ARID3B: variants seen among roughly 807,000 people sequenced by gnomAD.
The protein encoded by ARID3B is AT-rich interactive domain-containing protein 3B.
A neutral mutation model predicts 51.9 loss-of-function variants in ARID3B; 10 were observed. That is an observed-to-expected ratio of 0.19 (90% CI 0.12 to 0.33). The LOEUF is 0.33. Among genes scored for constraint, ARID3B ranks in the 10% least tolerant of loss-of-function variants. The probability of loss-of-function intolerance (pLI) is 1.00; values close to 1 mark genes in which losing one functional copy is unlikely to be tolerated. For synonymous variants in ARID3B, 205 were observed against 279.5 expected, an observed-to-expected ratio of 0.73 and a Z score of 2.66; for missense variants, 483 against 716.3, an observed-to-expected ratio of 0.67 and a Z score of 3.72.
In ARID3B at chr15:74,591,447, C is replaced by T; in HGVS notation, c.1165+13C>T. 1.3e-6 allele frequency: 2 copies of T among 1,598,800 alleles called. No homozygotes were observed. Among genetic ancestry groups the T allele is most frequent in the Non-Finnish European group, 1.7e-6 (2 of 1,168,442 alleles). On this transcript the variant is annotated intron_variant, in intron 6 of 8. Transcript: ENST00000346246. This position sits in a 1 kb window ranked among gnomAD's most constrained non-coding sequence, Gnocchi z 5.8. ...ACTCTCAGGAAAGGTCAGCAGGGCTCCTGGGGGAGAAGGAAGAAAGGGAGG... is the reference window on the plus strand; with the variant it reads ...ACTCTCAGGAAAGGTCAGCAGGGCTTCTGGGGGAGAAGGAAGAAAGGGAGG...
chr15:74,566,834 T>C (rs1195820823), intron 2 of ARID3B, among the ~76,000 whole-genome samples: 1 of 152,186 alleles, frequency 6.6e-6, no homozygotes, highest in East Asian at 1.9e-4. Context: ...CATTAGACAG[T>C]AAGCTCCATG....
chr15:74,545,503 G>C (rs2061612434), intron 2 of ARID3B, among the ~76,000 whole-genome samples: 1 of 152,190 alleles, frequency 6.6e-6, no homozygotes, highest in African/African-American at 2.4e-5. Flanking sequence ...TTTCAACCAA[G>C]CCTCTTCTCT....
chr15:74,575,190 C>T (rs922795167), intron 4 of ARID3B, among the ~76,000 whole-genome samples: 1 of 152,098 alleles, frequency 6.6e-6, no homozygotes, highest in Non-Finnish European at 1.5e-5. Flanking sequence ...CTCAAAGGGG[C>T]TGCCATAGCA....
chr15:74,547,227 C>T (rs1596249075), intron 2 of ARID3B, among the ~76,000 whole-genome samples: 1 of 151,318 alleles, frequency 6.6e-6, no homozygotes, highest in Non-Finnish European at 1.5e-5. Flanking sequence ...GGCGCGATCT[C>T]GGCTTCCTGC....
At chr15:74,565,397 T>G (rs1395722109) in intron 2 of ARID3B, among the ~76,000 whole-genome samples, 2 of 152,176 alleles carry the variant, frequency 1.3e-5, no homozygotes, top group East Asian at 3.8e-4. Context: ...AAGTTGTCAG[T>G]ATGCACAATG....
At chr15:74,564,026 T>C (rs2061688985) in intron 2 of ARID3B, among the ~76,000 whole-genome samples, 1 of 152,210 alleles carries the variant, frequency 6.6e-6, no homozygotes, top group Non-Finnish European at 1.5e-5. Context: ...TTTGAATTGA[T>C]CTCCGCTGCT....
chr15:74,553,615 T>G (rs1443268995), intron 2 of ARID3B, among the ~76,000 whole-genome samples: 1 of 152,228 alleles, frequency 6.6e-6, no homozygotes, highest in Non-Finnish European at 1.5e-5. Flanking sequence ...TACATTGTAG[T>G]TGGGAAACGA....
At chr15:74,555,255 G>A (rs2061653315) in intron 2 of ARID3B, among the ~76,000 whole-genome samples, 1 of 152,120 alleles carries the variant, frequency 6.6e-6, no homozygotes, top group African/African-American at 2.4e-5. Flanking sequence ...TGATCTAGGT[G>A]CTGGGTACTG....
chr15:74,593,190 T>C lies in ARID3B; in HGVS notation c.1473T>C (p.Ile491=). 1 of 1,613,736 alleles carries C rather than the reference T, an allele frequency of 6.2e-7. No homozygotes were observed. Among genetic ancestry groups the C allele is most frequent in the African/African-American group, 1.3e-5 (1 of 75,024 alleles). The part of the protein sequence containing the change: ...AAALNLTTSS[I]GSINMSVDID... Reference sequence around the variant, plus strand: ...CACTGAACCTGACCACGAGTAGCATTGGGAGCATTAACATGTCTGTGGACA... The same window carrying C: ...CACTGAACCTGACCACGAGTAGCATCGGGAGCATTAACATGTCTGTGGACA... The change falls in exon 8 of 9, where the codon ATT becomes ATC. Residue 491 remains isoleucine (I), a synonymous_variant. Coordinates refer to ENST00000346246, the MANE Select transcript of ARID3B (RefSeq NM_006465.4).
intron 2 of ARID3B, among the ~76,000 whole-genome samples, chr15:74,553,577 C>T (rs1005411737): frequency 6.6e-6 from 1 of 152,084 alleles, no homozygotes; most frequent in Non-Finnish European, 1.5e-5. Context: ...GGTTTTATCT[C>T]TTTTCCAGTA....
chr15:74,569,707 A>G (rs970169170), intron 2 of ARID3B, among the ~76,000 whole-genome samples: 2 of 152,206 alleles, frequency 1.3e-5, no homozygotes, highest in African/African-American at 4.8e-5. Context: ...CACAGGTGGT[A>G]GAGCCCAGAG....
intron 2 of ARID3B, among the ~76,000 whole-genome samples, chr15:74,553,368 A>G (rs1258606163): frequency 6.6e-6 from 1 of 152,186 alleles, no homozygotes; most frequent in Non-Finnish European, 1.5e-5. Context: ...CGTTGAACAC[A>G]TTTTTTGAAA....
intron 4 of ARID3B, among the ~76,000 whole-genome samples, chr15:74,588,442 T>C (rs1840944484): frequency 6.6e-6 from 1 of 152,064 alleles, no homozygotes; most frequent in Admixed American, 6.5e-5. Flanking sequence ...CCTGCTCAGG[T>C]TGGTTTAAGG....
At chr15:74,579,193 T>G (rs2061749992) in intron 4 of ARID3B, among the ~76,000 whole-genome samples, 1 of 152,180 alleles carries the variant, frequency 6.6e-6, no homozygotes, top group Non-Finnish European at 1.5e-5. Context: ...GTTAACATGT[T>G]TGGGTGAATT....
intron 1 of ARID3B, among the ~76,000 whole-genome samples, chr15:74,543,482 A>T (rs937095278): frequency 6.6e-6 from 1 of 152,126 alleles, no homozygotes; most frequent in African/African-American, 2.4e-5. Context: ...CTACAGTGCA[A>T]ACCCAGTTAC....
intron 1 of ARID3B, among the ~76,000 whole-genome samples, chr15:74,542,840 G>C (rs2061599767): frequency 6.6e-6 from 1 of 152,300 alleles, no homozygotes; most frequent in East Asian, 1.9e-4. Flanking sequence ...GGGCCTGCAG[G>C]GGAGAGGTGG....
chr15:74,579,441 C>T (rs1398331472), intron 4 of ARID3B, among the ~76,000 whole-genome samples: 2 of 152,182 alleles, frequency 1.3e-5, no homozygotes, highest in Non-Finnish European at 1.5e-5. Flanking sequence ...TGAGCACATC[C>T]TCCCCACTCT....
At chr15:74,592,667 G>A (rs1470483504) in intron 7 of ARID3B, among the ~76,000 whole-genome samples, 3 of 152,342 alleles carry the variant, frequency 2.0e-5, no homozygotes, top group East Asian at 3.9e-4. Context: ...TTCCACAAAC[G>A]CCAGCTGCCT....
intron 8 of ARID3B, among the ~76,000 whole-genome samples, chr15:74,594,245 G>C (rs34568027): frequency 1.3e-5 from 2 of 152,030 alleles, no homozygotes; most frequent in African/African-American, 4.8e-5. Flanking sequence ...TCAGGATATC[G>C]AGACCATCCT....
Sources: allele counts gnomAD v4.1 joint callset (sites outside exome capture counted in the v4.1 genomes callset), GRCh38; gene constraint gnomAD v4.1.1; non-coding constraint Gnocchi (gnomAD v3.1); transcripts MANE v1.5; gene names NCBI Gene and HGNC (gene_info 2026-07-23, HGNC 2026-07-21).